SUGP1: variants seen among roughly 807,000 people sequenced by gnomAD.
SUGP1 encodes SURP and G-patch domain containing 1.
Under a neutral mutation model 76.5 loss-of-function variants are expected in SUGP1, and 34 were observed. The ratio of observed to expected loss-of-function variants is 0.44; its 90% CI spans 0.34 to 0.59. SUGP1 has a LOEUF of 0.59. Among genes scored for constraint, SUGP1 ranks in the 20% least tolerant of loss-of-function variants. SUGP1 has a pLI of 0.01. For missense variants in SUGP1, 752 were observed against 851.7 expected, an observed-to-expected ratio of 0.88 and a Z score of 1.46; for synonymous variants, 326 against 326.2, an observed-to-expected ratio of 1.00 and a Z score of 0.01.
chr19:19,280,345 G>A lies in SUGP1; in HGVS notation c.1244-54C>T, dbSNP rs1346596347. 23 of 1,503,218 alleles carry A rather than the reference G, an allele frequency of 1.5e-5. No individual in the cohort carries two copies. The East Asian group carries it at 3.4e-4, about 22-fold the overall frequency. The allele number at this position is 1,503,218 out of a possible 1,614,324, so 93.1% of individuals were successfully genotyped here. On this transcript the variant is annotated intron_variant, in intron 8 of 13. Coordinates refer to ENST00000247001, the MANE Select transcript of SUGP1 (RefSeq NM_172231.4). Reference sequence around the variant, plus strand: ...AGCCTGACAGGTGCACCCCGATCTCGCTCCTGCGCTGGGGTGTGCTGTGAG... The same window carrying A: ...AGCCTGACAGGTGCACCCCGATCTCACTCCTGCGCTGGGGTGTGCTGTGAG...
At chr19:19,289,372 C>T (rs1317287697) in intron 8 of SUGP1, among the ~76,000 whole-genome samples, 9 of 151,762 alleles carry the variant, frequency 5.9e-5, no homozygotes, top group African/African-American at 9.7e-5. Context: ...GAGGCCGAGG[C>T]GGGGAGATTA....
chr19:19,310,001 C>T (rs936293583), intron 3 of SUGP1, 96 bp downstream of exon 3: 2 of 835,152 alleles, frequency 2.4e-6, no homozygotes, highest in Non-Finnish European at 4.1e-6. Context: ...TACCGGTGAG[C>T]AGGAGTCTGA....
chr19:19,316,525 G>T lies in SUGP1; in HGVS notation c.103C>A (p.Gln35Lys). Residue 35 changes from glutamine to lysine, a missense_variant, in exon 2 of 14, where the codon CAG becomes AAG. Around this residue, in one of 2 missense-constraint regions of SUGP1, gnomAD observed 620 missense variants for 617.3 expected, o/e 1.00. Transcript: ENST00000247001. The part of the protein sequence containing the change: ...SGKMNMNILH[Q>K]EELIAQKKRE... ...TTCTTCTGAGCGATGAGCTCTTCCT[G>T]GTGAAGGATGTTCATGTTCATTTTT... 1 of 1,613,844 alleles carries T rather than the reference G, an allele frequency of 6.2e-7. No individual in the cohort carries two copies. The highest frequency in any genetic ancestry group is 8.5e-7 in the Non-Finnish European group (1 of 1,180,016).
At chr19:19,291,888 G>GACACACACAC (rs1555788743) in intron 8 of SUGP1, among the ~76,000 whole-genome samples, 7 of 65,326 alleles carry the variant, frequency 1.1e-4, no homozygotes, top group Non-Finnish European at 2.0e-4. Flanking sequence ...GTGAGACTCT[G>GACACACACAC]TCACACACAC....
chr19:19,309,298 A>C (rs938489363), intron 3 of SUGP1, among the ~76,000 whole-genome samples: 7 of 152,150 alleles, frequency 4.6e-5, no homozygotes, highest in Non-Finnish European at 7.4e-5. Flanking sequence ...CAGCGTGACC[A>C]ACATGGCGAA....
chr19:19,280,593 C>A (rs6511026), intron 8 of SUGP1: 3 of 350,594 alleles, frequency 8.6e-6, no homozygotes. Flanking sequence ...ACACAGCTAA[C>A]GAGTGACAGG....
chr19:19,317,974 C>G (rs2061406727), intron 1 of SUGP1, among the ~76,000 whole-genome samples: 1 of 151,628 alleles, frequency 6.6e-6, no homozygotes, highest in Middle Eastern at 3.4e-3. Flanking sequence ...CCACACCTGG[C>G]TAATTTTTAT....
chr19:19,291,689 A>G (rs2061184671), intron 8 of SUGP1, among the ~76,000 whole-genome samples: 1 of 151,984 alleles, frequency 6.6e-6, no homozygotes, highest in South Asian at 2.1e-4. Context: ...GGAGTTCAAG[A>G]CCATCCTGGC....
At position 19,277,086 on chromosome 19, in the gene SUGP1, G is replaced by A. The variant is rs1284606669; in HGVS notation, c.1782-10C>T. 1 of 1,606,122 alleles carries A rather than the reference G, an allele frequency of 6.2e-7. No homozygotes were observed. Among genetic ancestry groups the A allele is most frequent in the Non-Finnish European group, 8.5e-7 (1 of 1,178,626 alleles). On this transcript the variant is annotated splice_polypyrimidine_tract_variant and intron_variant, in intron 12 of 13. Coordinates refer to ENST00000247001, the MANE Select transcript of SUGP1 (RefSeq NM_172231.4). ...CACTGTGGTGGTGCCCCTACAGGGA[G>A]AAGAGGATGTGAGCAGGGACCTGGG...
rs1293982462 is a variant in SUGP1 at position 19,280,231 on chromosome 19, G to T, written c.1304C>A (p.Thr435Lys). 8 of 1,613,874 alleles carry T rather than the reference G, an allele frequency of 5.0e-6. No individual in the cohort carries two copies. The highest frequency in any genetic ancestry group is 6.8e-6 in the Non-Finnish European group (8 of 1,179,982). Residue 435 changes from threonine (T) to lysine (K), a missense_variant, in exon 9 of 14, where the codon ACA becomes AAA. Transcript: ENST00000247001. ...CTTCTTCTGGGCGTCTGAAAGCTCT[G>T]TGACGCCCACTAGACCCACAGGCTT... ...KGKPVGLVGV[T>K]ELSDAQKKQL...
At chr19:19,292,849 T>C (rs1033304318) in intron 8 of SUGP1, among the ~76,000 whole-genome samples, 1 of 152,118 alleles carries the variant, frequency 6.6e-6, no homozygotes, top group Non-Finnish European at 1.5e-5. Context: ...AATCAATCCA[T>C]GTAATACACC....
At chr19:19,302,132 A>C in intron 7 of SUGP1, 133 bp downstream of exon 7, 2 of 1,402,928 alleles carry the variant, frequency 1.4e-6, no homozygotes, top group Non-Finnish European at 1.9e-6. Flanking sequence ...CTCTGGGGTC[A>C]GAGACTCTTG....
At chr19:19,285,870 C>T (rs117551638) in intron 8 of SUGP1, among the ~76,000 whole-genome samples, 1 of 152,204 alleles carries the variant, frequency 6.6e-6, no homozygotes, top group East Asian at 1.9e-4. Flanking sequence ...CGGCCAAGCA[C>T]CAGAACTTAA....
rs1175464818 is a variant in SUGP1 at position 19,297,361 on chromosome 19, G to C, written c.888-17C>G. ...TACAGAAAGCTGCAAAGGAGAGTTG[G>C]GGGGTGCAGTGTCAGCTGGGCCCGA... On this transcript the variant is annotated splice_polypyrimidine_tract_variant and intron_variant, in intron 7 of 13. Transcript: ENST00000247001. 8.6e-6 allele frequency: 13 copies of C among 1,505,884 alleles called. No homozygotes were observed. The highest frequency in any genetic ancestry group is 1.2e-5 in the Non-Finnish European group (13 of 1,125,502). 93.3% of individuals were successfully genotyped at this position (1,505,884 alleles called of 1,614,324 possible). A position where few individuals can be genotyped will look rare whatever the true frequency, so the allele number is the denominator to read the frequency against.
At chr19:19,311,905 G>A (rs955886523) in intron 2 of SUGP1, among the ~76,000 whole-genome samples, 1 of 152,116 alleles carries the variant, frequency 6.6e-6, no homozygotes, top group Non-Finnish European at 1.5e-5. Flanking sequence ...TTGAGCCCAG[G>A]AGTTTGAGGC....
chr19:19,301,279 C>A (rs1391086858), intron 7 of SUGP1, among the ~76,000 whole-genome samples: 4 of 152,134 alleles, frequency 2.6e-5, no homozygotes, highest in Non-Finnish European at 5.9e-5. Context: ...CAGACTGGGG[C>A]ACACCTGAAT....
At chr19:19,309,933 T>C (rs922733519) in intron 3 of SUGP1, among the ~76,000 whole-genome samples, 164 bp downstream of exon 3, 1 of 151,952 alleles carries the variant, frequency 6.6e-6, no homozygotes, top group African/African-American at 2.4e-5. Context: ...TATTTATGTA[T>C]TATTTATTTA....
At chr19:19,294,787 C>T (rs1327768740) in intron 8 of SUGP1, among the ~76,000 whole-genome samples, 1 of 151,164 alleles carries the variant, frequency 6.6e-6, no homozygotes, top group African/African-American at 2.4e-5. Flanking sequence ...GGAGGGTCTG[C>T]CTTCAGTTCA....
chr19:19,299,797 G>A (rs1255256202), intron 7 of SUGP1, among the ~76,000 whole-genome samples: 1 of 149,300 alleles, frequency 6.7e-6, no homozygotes, highest in African/African-American at 2.5e-5. Context: ...TTTTTTTTTT[G>A]TTTTGTTTTT....
Sources: gnomAD v4.1 joint callset for allele counts (sites outside exome capture counted in the v4.1 genomes callset) on GRCh38, gnomAD v4.1.1 for gene constraint, gnomAD v4.1.1 regional missense constraint, MANE v1.5 for transcripts, NCBI Gene and HGNC (gene_info 2026-07-23, HGNC 2026-07-21) for gene names.